TOMM70: variants seen among roughly 807,000 people sequenced by gnomAD.
The protein encoded by TOMM70 is translocase of outer mitochondrial membrane 70.
A neutral mutation model predicts 73.6 loss-of-function variants in TOMM70; 13 were observed. The ratio of observed to expected loss-of-function variants is 0.18; its 90% CI spans 0.11 to 0.28. The LOEUF (loss-of-function observed/expected upper bound fraction) is 0.28, where lower values mean the gene tolerates loss of function less well. Ranked by LOEUF, TOMM70 falls within the 10% of genes least tolerant of loss-of-function variation. The pLI is 1.00. For missense variants in TOMM70, 609 were observed against 747.5 expected, an observed-to-expected ratio of 0.81 and a Z score of 2.16; for synonymous variants, 257 against 271.2, an observed-to-expected ratio of 0.95 and a Z score of 0.51.
At chr3:100,398,106 G>A (rs988760158) in intron 1 of TOMM70, among the ~76,000 whole-genome samples, 3 of 152,084 alleles carry the variant, frequency 2.0e-5, no homozygotes, top group South Asian at 2.1e-4. Context: ...AGTTTCAGCC[G>A]GTGAGGTGGC....
intron 1 of TOMM70, among the ~76,000 whole-genome samples, chr3:100,394,993 C>G (rs1706806114): frequency 6.6e-6 from 1 of 152,182 alleles, no homozygotes; most frequent in African/African-American, 2.4e-5. Flanking sequence ...GAAGAATATA[C>G]TTTTATAATG....
intron 9 of TOMM70, among the ~76,000 whole-genome samples, chr3:100,371,430 C>T (rs1194789333): frequency 1.3e-5 from 2 of 151,752 alleles, no homozygotes; most frequent in African/African-American, 4.8e-5. Flanking sequence ...CCACACCCAG[C>T]TAATTTTTGT....
In TOMM70 at chr3:100,377,857, T is replaced by G; in HGVS notation, c.940A>C (p.Ile314Leu). 3 of 1,614,224 alleles carry G rather than the reference T, an allele frequency of 1.9e-6. No homozygotes were observed. Among genetic ancestry groups the G allele is most frequent in the Non-Finnish European group, 2.5e-6 (3 of 1,180,052 alleles). ...TCTATTTCTTTTGAGCATTCACTTA[T>G]GATTTTATCGTAGTTTTCTTCTTCC... The part of the protein sequence containing the change: ...YMEEENYDKI[I>L]SECSKEIDAE... Residue 314 changes from isoleucine (I) to leucine (L), a missense_variant, in exon 6 of 12, where the codon ATA (isoleucine) becomes CTA (leucine). Ile to Leu is a conservative substitution (Grantham distance 5, BLOSUM62 2). This residue lies in a region of TOMM70 where 432 missense variants were observed against 584.1 expected (regional missense o/e 0.74). Coordinates refer to ENST00000284320, the MANE Select transcript of TOMM70 (RefSeq NM_014820.5).
chr3:100,396,410 C>G (rs1341950789), intron 1 of TOMM70, among the ~76,000 whole-genome samples: 2 of 152,224 alleles, frequency 1.3e-5, no homozygotes, highest in East Asian at 3.9e-4. Flanking sequence ...AAGAATGATG[C>G]ATTTTTTATC....
intron 9 of TOMM70, among the ~76,000 whole-genome samples, 186 bp from the exon 10 acceptor site, chr3:100,369,321 A>G (rs1336646503): frequency 3.3e-5 from 5 of 152,212 alleles, no homozygotes; most frequent in Non-Finnish European, 5.9e-5. Flanking sequence ...TGCTATAAAT[A>G]TGAAATCTTA....
chr3:100,378,750 T>A (rs918485474), intron 5 of TOMM70, among the ~76,000 whole-genome samples: 1 of 152,180 alleles, frequency 6.6e-6, no homozygotes, highest in South Asian at 2.1e-4. Flanking sequence ...CTCACGCCTG[T>A]AATCCCAGCA....
At chr3:100,369,180 T>G in intron 9 of TOMM70, 45 bp from the exon 10 acceptor site, 1 of 1,351,516 alleles carries the variant, frequency 7.4e-7, no homozygotes, top group Non-Finnish European at 1.1e-6. Flanking sequence ...ACCGTCAACC[T>G]AAGCAGTTAA....
intron 1 of TOMM70, among the ~76,000 whole-genome samples, chr3:100,397,444 G>A (rs1706837437): frequency 1.3e-5 from 2 of 152,206 alleles, no homozygotes; most frequent in Admixed American, 1.3e-4. Context: ...GATTACAGGT[G>A]TAGGCCTACA....
intron 4 of TOMM70, 109 bp from the exon 5 acceptor site, chr3:100,381,872 T>C: frequency 2.6e-6 from 3 of 1,149,974 alleles, no homozygotes. Flanking sequence ...ATTCTCATTT[T>C]CAAATAACTA....
chr3:100,375,171 G>A lies in TOMM70; in HGVS notation c.1093-19C>T. The A allele has an allele frequency of 1.3e-6, 2 of 1,537,362 alleles. No individual in the cohort carries two copies. Among genetic ancestry groups the A allele is most frequent in the Non-Finnish European group, 1.8e-6 (2 of 1,140,200 alleles). On this transcript the variant is annotated intron_variant, in intron 6 of 11. Transcript: ENST00000284320. ...CTCGAAGCTATATACCCCAAGTGAG[G>A]AAAGGTTCATCATTACTTTTTTTTC...
intron 1 of TOMM70, among the ~76,000 whole-genome samples, chr3:100,390,545 G>A (rs901846946): frequency 6.6e-6 from 1 of 151,998 alleles, no homozygotes; most frequent in Non-Finnish European, 1.5e-5. Context: ...GCATATATTG[G>A]GGCCGGGTGC....
At chr3:100,399,153 G>A (rs1303874396) in intron 1 of TOMM70, among the ~76,000 whole-genome samples, 1 of 151,836 alleles carries the variant, frequency 6.6e-6, no homozygotes, top group African/African-American at 2.4e-5. Context: ...ATGGTGGCGC[G>A]CGCCTGTAGT....
rs1706535994 is a variant in TOMM70 at position 100,373,861 on chromosome 3, A to G, written c.1228-216T>C. The G allele has an allele frequency of 1.2e-5, 5 of 404,008 alleles. No individual in the cohort carries two copies. The East Asian group carries it at 2.5e-4, about 20-fold the overall frequency. 25.0% of individuals were successfully genotyped at this position (404,008 alleles called of 1,614,324 possible). A position where few individuals can be genotyped will look rare whatever the true frequency, so the allele number is the denominator to read the frequency against. On this transcript the variant is annotated intron_variant, in intron 7 of 11. Transcript: ENST00000284320. ...TATCCAACTTATAGAAAGGACTACAAGCCAACCATTTCTGCCCTGCAATTC... is the reference window on the plus strand; with the variant it reads ...TATCCAACTTATAGAAAGGACTACAGGCCAACCATTTCTGCCCTGCAATTC...
In TOMM70 at chr3:100,387,991, A is replaced by T. The variant is rs967271345; in HGVS notation, c.325-1013T>A. Among the ~76,000 whole-genome samples, 32 of 152,200 alleles carry T rather than the reference A, an allele frequency of 2.1e-4. 1 individual carries two copies. Among genetic ancestry groups the T allele is most frequent in the African/African-American group, 7.5e-4 (31 of 41,452 alleles). On this transcript the variant is annotated intron_variant, in intron 1 of 11. Coordinates refer to ENST00000284320, the MANE Select transcript of TOMM70 (RefSeq NM_014820.5). ...TCTAAGATCAGAATATTATATAGCT[A>T]CTTTAAGCTAGCTAGTGTCAACCAG...
intron 1 of TOMM70, among the ~76,000 whole-genome samples, chr3:100,400,324 A>G (rs967652180): frequency 6.6e-6 from 1 of 152,192 alleles, no homozygotes; most frequent in Admixed American, 6.5e-5. Flanking sequence ...ATTAAATACA[A>G]TCATCACATT....
intron 2 of TOMM70, 104 bp downstream of exon 2, chr3:100,386,701 A>G: frequency 7.3e-7 from 1 of 1,370,694 alleles, no homozygotes; most frequent in Non-Finnish European, 1.0e-6. Context: ...TAATTTTGAA[A>G]CAACTTCAAA....
At chr3:100,399,362 T>C (rs1310569745) in intron 1 of TOMM70, among the ~76,000 whole-genome samples, 2 of 152,222 alleles carry the variant, frequency 1.3e-5, no homozygotes, top group South Asian at 4.1e-4. Context: ...TTGGATACAA[T>C]TAGAAGTTAC....
chr3:100,373,156 A>C (rs1005707384), intron 8 of TOMM70, among the ~76,000 whole-genome samples: 12 of 151,918 alleles, frequency 7.9e-5, no homozygotes, highest in African/African-American at 2.7e-4. Flanking sequence ...AAAAAAAAAA[A>C]AACAACCTTT....
At chr3:100,390,687 G>T (rs1457499632) in intron 1 of TOMM70, among the ~76,000 whole-genome samples, 2 of 152,136 alleles carry the variant, frequency 1.3e-5, no homozygotes, top group East Asian at 3.8e-4. Flanking sequence ...CAATTAGCCA[G>T]GTGTGGTGGC....
Sources: gnomAD v4.1 joint callset for allele counts (sites outside exome capture counted in the v4.1 genomes callset) on GRCh38, gnomAD v4.1.1 for gene constraint, gnomAD v4.1.1 regional missense constraint, MANE v1.5 for transcripts, NCBI Gene and HGNC (gene_info 2026-07-23, HGNC 2026-07-21) for gene names.